Variants in OPCML observed in about 807,000 individuals in gnomAD.
The protein encoded by OPCML is opioid binding protein/cell adhesion molecule like.
OPCML carries 13 observed loss-of-function variants against 37.8 expected under a neutral mutation model. The ratio of observed to expected loss-of-function variants is 0.34; its 90% confidence interval spans 0.22 to 0.55. OPCML has a LOEUF of 0.55. Ranked by LOEUF, OPCML falls within the 20% of genes least tolerant of loss-of-function variation. The pLI, the probability that OPCML is intolerant of heterozygous loss-of-function variation, is 0.91. For synonymous variants in OPCML, 176 were observed against 168.8 expected (o/e 1.04, Z -0.33); for missense variants, 341 against 435.6 (o/e 0.78, Z 1.93).
intron 1 of OPCML, among the ~76,000 whole-genome samples, chr11:133,250,311 A>G (rs1941083626): frequency 6.6e-6 from 1 of 152,194 alleles, no homozygotes; most frequent in Admixed American, 6.5e-5. Flanking sequence ...GACAATTCCT[A>G]TAATTCTATA....
chr11:133,283,979 A>G (rs1016987938), intron 1 of OPCML, among the ~76,000 whole-genome samples: 2 of 152,078 alleles, frequency 1.3e-5, no homozygotes, highest in African/African-American at 4.8e-5. Context: ...AAGCCCTAAA[A>G]CACCTTCTCA....
intron 2 of OPCML, among the ~76,000 whole-genome samples, chr11:132,856,247 T>TTA (rs1320494741): frequency 6.6e-6 from 1 of 152,182 alleles, no homozygotes; most frequent in East Asian, 1.9e-4. Context: ...TAATCAATAA[T>TTA]ATGAAGAAAT....
chr11:132,946,962 G>A (rs1191974903), intron 1 of OPCML, among the ~76,000 whole-genome samples: 6 of 152,096 alleles, frequency 3.9e-5, no homozygotes, highest in Non-Finnish European at 5.9e-5. Context: ...ACCTGAGGCC[G>A]GGCTTATGAT....
intron 1 of OPCML, among the ~76,000 whole-genome samples, chr11:133,027,486 TGTGTTGTG>T (rs1055649637): frequency 3.0e-4 from 44 of 145,754 alleles, no homozygotes; most frequent in African/African-American, 9.8e-4. Flanking sequence ...TGTGTGTGTG[TGTGTTGTG>T]TGTGTGTGTG....
chr11:132,949,437 G>A (rs1945812679), intron 1 of OPCML, among the ~76,000 whole-genome samples: 1 of 152,186 alleles, frequency 6.6e-6, no homozygotes, highest in East Asian at 1.9e-4. Context: ...GCCTTGTTGG[G>A]CAGCAACTTC....
chr11:133,153,193 G>A (rs1405063138), intron 1 of OPCML, among the ~76,000 whole-genome samples: 1 of 152,102 alleles, frequency 6.6e-6, no homozygotes, highest in Non-Finnish European at 1.5e-5. Context: ...TGGGAGAGAC[G>A]GGAGCCTGCC....
chr11:133,039,264 C>A (rs1414332029), intron 1 of OPCML, among the ~76,000 whole-genome samples: 5 of 152,202 alleles, frequency 3.3e-5, no homozygotes, highest in African/African-American at 9.6e-5. Context: ...CAGGAGCCAA[C>A]CTCCTGCCCT....
intron 3 of OPCML, among the ~76,000 whole-genome samples, chr11:132,647,725 T>G (rs543671022): frequency 6.6e-6 from 1 of 151,662 alleles, no homozygotes; most frequent in African/African-American, 2.4e-5. Context: ...GTCTCAGGAG[T>G]GGCAGGGATG....
chr11:133,314,291 A>G (rs937655471), intron 1 of OPCML, among the ~76,000 whole-genome samples: 47 of 151,154 alleles, frequency 3.1e-4, no homozygotes, highest in Non-Finnish European at 5.6e-4. Flanking sequence ...AACTAGCTAA[A>G]CTAGCTCACA....
chr11:133,329,948 G>T (rs1040346542), intron 1 of OPCML, among the ~76,000 whole-genome samples: 2 of 152,106 alleles, frequency 1.3e-5, no homozygotes, highest in African/African-American at 4.8e-5. Context: ...ATCTGACAAA[G>T]GGCTAATATC....
At chr11:133,179,535 T>G (rs959564961) in intron 1 of OPCML, among the ~76,000 whole-genome samples, 1 of 152,110 alleles carries the variant, frequency 6.6e-6, no homozygotes, top group African/African-American at 2.4e-5. Flanking sequence ...ACTCTCTTTC[T>G]TCTCCATCCT....
At chr11:132,707,455 A>G (rs1944080789) in intron 2 of OPCML, among the ~76,000 whole-genome samples, 1 of 152,246 alleles carries the variant, frequency 6.6e-6, no homozygotes, top group Non-Finnish European at 1.5e-5. Flanking sequence ...CTTTTGGTCC[A>G]GGATCCTATG....
At chr11:133,415,795 T>A (rs976757949) in intron 1 of OPCML, among the ~76,000 whole-genome samples, 1 of 151,792 alleles carries the variant, frequency 6.6e-6, no homozygotes, top group Middle Eastern at 3.2e-3. Flanking sequence ...CAGAGAGAGG[T>A]CATGATGAGA....
chr11:132,811,245 T>C (rs117994498), intron 2 of OPCML, among the ~76,000 whole-genome samples: 2,436 of 152,286 alleles, frequency 0.016, 26 homozygotes, highest in Middle Eastern at 0.027. Context: ...CATTATTCTC[T>C]CCATTAAAAT....
chr11:133,351,626 G>A (rs937646409), intron 1 of OPCML, among the ~76,000 whole-genome samples: 1 of 152,102 alleles, frequency 6.6e-6, no homozygotes, highest in African/African-American at 2.4e-5. Flanking sequence ...TCTGTCCTAG[G>A]AGGGTCTCAA....
intron 1 of OPCML, among the ~76,000 whole-genome samples, chr11:133,019,043 T>C (rs1174797152): frequency 6.6e-6 from 1 of 152,218 alleles, no homozygotes; most frequent in African/African-American, 2.4e-5. Context: ...AAAGATGATG[T>C]TACTGTGAGT....
chr11:133,016,860 C>T (rs751809460), intron 1 of OPCML, among the ~76,000 whole-genome samples: 52 of 152,268 alleles, frequency 3.4e-4, no homozygotes, highest in Non-Finnish European at 2.5e-4. Flanking sequence ...TATAATGAGG[C>T]CTATGTTCTT....
chr11:133,360,567 G>C (rs1048995486), intron 1 of OPCML: 3 of 152,232 alleles, frequency 2.0e-5, no homozygotes, highest in African/African-American at 7.2e-5. Context: ...AATAAAGGCT[G>C]ATAGAAATGA....
Position 133,015,395 on chromosome 11 carries a change from T to TGAAGGAAGGAAG in OPCML, c.62-72397_62-72386dup, listed in dbSNP as rs1212156985. ...ATGAAGGAAGGAAGGAAGGAAGGAATGAAGGAAGGAAGGAAGGAAGGAAGG... is the reference window on the plus strand; with the variant it reads ...ATGAAGGAAGGAAGGAAGGAAGGAATGAAGGAAGGAAGGAAGGAAGGAAGGAAGGAAGGAAGG... On this transcript the variant is annotated intron_variant, in intron 1 of 7. Coordinates refer to ENST00000524381, the MANE Select transcript of OPCML (RefSeq NM_001012393.5). Among the ~76,000 whole-genome samples, 77 of 68,246 alleles carry TGAAGGAAGGAAG rather than the reference T, an allele frequency of 1.1e-3. 1 individual carries two copies. Among genetic ancestry groups the TGAAGGAAGGAAG allele is most frequent in the African/African-American group, 2.3e-3 (36 of 15,354 alleles). The allele number at this position is 68,246 out of a possible 152,430, so 44.8% of individuals were successfully genotyped here.
Sources: allele counts gnomAD v4.1 joint callset (sites outside exome capture counted in the v4.1 genomes callset), GRCh38; gene constraint gnomAD v4.1.1; transcripts MANE v1.5; gene names NCBI Gene and HGNC (gene_info 2026-07-23, HGNC 2026-07-21).